ARID1B: variants seen among roughly 807,000 people sequenced by gnomAD.
The protein encoded by ARID1B is AT-rich interactive domain-containing protein 1B.
A neutral mutation model predicts 212.3 loss-of-function variants in ARID1B; 30 were observed. The ratio of observed to expected loss-of-function variants is 0.14; its 90% CI spans 0.11 to 0.19. The LOEUF (loss-of-function observed/expected upper bound fraction) is 0.19. ARID1B is among the 10% of genes least tolerant of loss of function. The probability of loss-of-function intolerance (pLI) is 1.00; values close to 1 mark genes in which losing one functional copy is unlikely to be tolerated. For missense variants in ARID1B, 2,891 were observed against 3,204.0 expected (o/e 0.90, Z 2.36); for synonymous variants, 1,402 against 1,301.7 (o/e 1.08, Z -1.66).
chr6:156,982,839 T>A lies in ARID1B; in HGVS notation c.2247+47263T>A, dbSNP rs1583075182. On this transcript the variant is annotated intron_variant, in intron 4 of 19. Coordinates refer to ENST00000636930, the MANE Select transcript of ARID1B (RefSeq NM_001374828.1). ...TGTTTCTTCTATTCCTTGCATTATCTGTTTCTTCTGAATTACCCTTTTTAC... is the reference window on the plus strand; with the variant it reads ...TGTTTCTTCTATTCCTTGCATTATCAGTTTCTTCTGAATTACCCTTTTTAC... 2.0e-5 allele frequency among the ~76,000 whole-genome samples: 3 copies of A among 152,218 alleles called. No homozygotes were observed. The East Asian group carries it at 5.8e-4, about 29-fold the overall frequency.
intron 2 of ARID1B, among the ~76,000 whole-genome samples, chr6:156,895,942 A>G (rs1432048276): frequency 6.6e-6 from 1 of 152,242 alleles, no homozygotes; most frequent in African/African-American, 2.4e-5. Context: ...TATCTTACGT[A>G]TTCAAATTTT....
chr6:157,068,420 TG>T (rs1783813651), intron 4 of ARID1B, among the ~76,000 whole-genome samples: 1 of 152,210 alleles, frequency 6.6e-6, no homozygotes. Flanking sequence ...TACAGGCTGT[TG>T]GGGATCACCC....
chr6:156,965,535 G>A (rs1223162161), intron 4 of ARID1B, among the ~76,000 whole-genome samples: 1 of 152,198 alleles, frequency 6.6e-6, no homozygotes. Context: ...CCGTGAATGT[G>A]TATTAATAGT....
intron 4 of ARID1B, among the ~76,000 whole-genome samples, chr6:157,031,826 C>T (rs1412713102): frequency 5.3e-5 from 8 of 151,232 alleles, no homozygotes; most frequent in African/African-American, 1.7e-4. Context: ...GTGCCTCACT[C>T]TGTTGCCCAG....
In ARID1B at chr6:157,207,685, A is replaced by G. The variant is rs1181252259; in HGVS notation, c.6913A>G (p.Met2305Val). 9.3e-6 allele frequency: 15 copies of G among 1,610,386 alleles called. No individual in the cohort carries two copies. Among genetic ancestry groups the G allele is most frequent in the Non-Finnish European group, 1.2e-5 (14 of 1,176,820 alleles). ...GCAGAGCCAGCACAACCTCATGCAC[A>G]TGCAGCCCCCGCCCCTGGAACCACC... ...YQQSQHNLMH[M>V]QPPPLEPPSV... The change falls in exon 20 of 20, where the codon ATG becomes GTG. Residue 2305 changes from methionine (M) to valine (V), a missense_variant. Transcript: ENST00000636930. The surrounding 1 kb of genome is among the most constrained non-coding windows in gnomAD (Gnocchi z 8.5).
chr6:157,090,868 A>G (rs1054811126), intron 5 of ARID1B, among the ~76,000 whole-genome samples: 2 of 150,472 alleles, frequency 1.3e-5, no homozygotes, highest in African/African-American at 2.5e-5. Flanking sequence ...TTCTACTGAT[A>G]CCTCCCCTCC....
At chr6:157,141,212 A>G (rs1789324518) in intron 7 of ARID1B, 1 of 152,168 alleles carries the variant, frequency 6.6e-6, no homozygotes, top group African/African-American at 2.4e-5. Flanking sequence ...GTGCTTCCAT[A>G]TTTTCTGCAT....
intron 4 of ARID1B, among the ~76,000 whole-genome samples, chr6:157,040,979 T>C (rs1781843646): frequency 6.6e-6 from 1 of 152,236 alleles, no homozygotes; most frequent in Non-Finnish European, 1.5e-5. Context: ...CTAATTAAGA[T>C]AATTATTTTT....
intron 1 of ARID1B, among the ~76,000 whole-genome samples, chr6:156,807,866 T>C (rs1477056795): frequency 4.6e-5 from 7 of 152,226 alleles, no homozygotes; most frequent in Admixed American, 4.6e-4. Flanking sequence ...GGAATCATTT[T>C]AGAATGTCAC....
chr6:157,195,695 T>A (rs2128353810), intron 15 of ARID1B: 1 of 157,750 alleles, frequency 6.3e-6, no homozygotes, highest in Admixed American at 6.5e-5. Flanking sequence ...CATCTTAGAT[T>A]TCTGCCCCCA....
rs1477035926 is a variant in ARID1B at position 157,203,276 on chromosome 6, C to T, written c.5264-590C>T. ...ATTACTTCCCATTCTGTGGCTCCAG[C>T]CATACTCCTGAGAAATCTGAGCCAT... On this transcript the variant is annotated intron_variant, in intron 18 of 19. Coordinates refer to ENST00000636930, the MANE Select transcript of ARID1B (RefSeq NM_001374828.1). This position sits in a 1 kb window ranked among gnomAD's most constrained non-coding sequence, Gnocchi z 4.4. Among the ~76,000 whole-genome samples the T allele has an allele frequency of 6.6e-6, 1 of 152,188 alleles. No homozygotes were observed. Among genetic ancestry groups the T allele is most frequent in the Non-Finnish European group, 1.5e-5 (1 of 68,034 alleles).
At chr6:156,790,730 G>A (rs1258758460) in intron 1 of ARID1B, among the ~76,000 whole-genome samples, 1 of 152,150 alleles carries the variant, frequency 6.6e-6, no homozygotes, top group Non-Finnish European at 1.5e-5. Context: ...TCAGGAAGGC[G>A]CCATGCATAC....
At position 156,778,197 on chromosome 6, in the gene ARID1B, G is replaced by T; in HGVS notation, c.517G>T (p.Ala173Ser). 1 of 1,538,390 alleles carries T rather than the reference G, an allele frequency of 6.5e-7. No individual in the cohort carries two copies. Reference protein sequence around the residue: ...PHQQHHHHHHAHHHHHHAHHL... With the variant: ...PHQQHHHHHHSHHHHHHAHHL... Reference sequence around the variant, plus strand: ...CCAGCAGCACCACCACCACCACCATGCCCACCACCACCACCACCATGCCCA... The same window carrying T: ...CCAGCAGCACCACCACCACCACCATTCCCACCACCACCACCACCATGCCCA... The change falls in exon 1 of 20, where the codon GCC becomes TCC. Residue 173 changes from alanine to serine, a missense_variant. Physicochemically the swap from Ala to Ser is moderately conservative, Grantham distance 99. Around this residue, in one of 7 missense-constraint regions of ARID1B, gnomAD observed 1,643 missense variants for 1,544.0 expected, o/e 1.06. Coordinates refer to ENST00000636930, the MANE Select transcript of ARID1B (RefSeq NM_001374828.1).
intron 10 of ARID1B, 52 bp downstream of exon 10, chr6:157,174,169 C>A: frequency 6.6e-7 from 1 of 1,517,316 alleles, no homozygotes; most frequent in South Asian, 1.1e-5. Flanking sequence ...CAAAAAGCTG[C>A]CATGTCGTTC....
At chr6:156,989,754 A>G (rs1562531843) in intron 4 of ARID1B, among the ~76,000 whole-genome samples, 1 of 152,218 alleles carries the variant, frequency 6.6e-6, no homozygotes, top group African/African-American at 2.4e-5. Context: ...TGTACATCCA[A>G]TAAATGCCTT....
intron 2 of ARID1B, among the ~76,000 whole-genome samples, chr6:156,831,207 G>T (rs1783115227): frequency 6.6e-6 from 1 of 152,202 alleles, no homozygotes; most frequent in Non-Finnish European, 1.5e-5. Context: ...AGACAGCCCA[G>T]GCAGCTGGCT....
chr6:157,122,018 A>G (rs1462793672), intron 6 of ARID1B, among the ~76,000 whole-genome samples: 1 of 152,182 alleles, frequency 6.6e-6, no homozygotes, highest in Non-Finnish European at 1.5e-5. Flanking sequence ...AGGTCTGGAA[A>G]ACTCACTTAT....
At chr6:157,168,564 C>A (rs1447464714) in intron 9 of ARID1B, 2 of 152,184 alleles carry the variant, frequency 1.3e-5, no homozygotes, top group Non-Finnish European at 2.9e-5. Flanking sequence ...TGAAACCACA[C>A]AATCAGTTTT....
chr6:157,114,511 G>A (rs1405942925), intron 6 of ARID1B, among the ~76,000 whole-genome samples: 3 of 105,238 alleles, frequency 2.9e-5, no homozygotes, highest in African/African-American at 8.0e-5. Context: ...GCGACAGAGC[G>A]ACACTCCGTC....
Sources: allele counts gnomAD v4.1 joint callset (sites outside exome capture counted in the v4.1 genomes callset), GRCh38; gene constraint gnomAD v4.1.1; regional missense constraint gnomAD v4.1.1; non-coding constraint Gnocchi (gnomAD v3.1); transcripts MANE v1.5; gene names NCBI Gene and HGNC (gene_info 2026-07-23, HGNC 2026-07-21).